Variants in ZDHHC11B observed in about 807,000 individuals in gnomAD.
ZDHHC11B encodes the protein probable palmitoyltransferase ZDHHC11B.
A neutral mutation model predicts 42.3 loss-of-function variants in ZDHHC11B; 17 were observed. The ratio of observed to expected loss-of-function variants is 0.40; its 90% CI spans 0.27 to 0.60. The LOEUF is 0.60. ZDHHC11B is among the 20% of genes least tolerant of loss of function. ZDHHC11B has a pLI of 0.41. For missense variants in ZDHHC11B, 262 were observed against 463.2 expected, an observed-to-expected ratio of 0.57 and a Z score of 3.99; for synonymous variants, 123 against 193.5, an observed-to-expected ratio of 0.64 and a Z score of 3.02.
At chr5:720,313 A>T (rs1368809182) in intron 12 of ZDHHC11B, among the ~76,000 whole-genome samples, 2 of 151,802 alleles carry the variant, frequency 1.3e-5, no homozygotes, top group African/African-American at 4.9e-5. Flanking sequence ...CCTTAATAAA[A>T]TTATCAGGTG....
At position 719,483 on chromosome 5, in the gene ZDHHC11B, T is replaced by C. The variant is rs190976542; in HGVS notation, c.1059-2618A>G. ...TAGTAGTAGAGATAGAAATTATATATTTTTTAAAAACCAAAAAGAAACTGG... is the reference window on the plus strand; with the variant it reads ...TAGTAGTAGAGATAGAAATTATATACTTTTTAAAAACCAAAAAGAAACTGG... On this transcript the variant is annotated intron_variant, in intron 12 of 13. Transcript: ENST00000508859. Among the ~76,000 whole-genome samples the C allele has an allele frequency of 6.7e-3, 1,018 of 150,908 alleles. 1 individual carries two copies. The highest frequency in any genetic ancestry group is 0.017 in the Middle Eastern group (5 of 290).
chr5:719,143 C>G (rs1378355985), intron 12 of ZDHHC11B, among the ~76,000 whole-genome samples: 2 of 151,820 alleles, frequency 1.3e-5, no homozygotes, highest in African/African-American at 2.4e-5. Context: ...GGAAAGGGCA[C>G]AAACTGATGG....
intron 4 of ZDHHC11B, among the ~76,000 whole-genome samples, chr5:760,670 G>A (rs1274610140): frequency 6.6e-6 from 1 of 151,864 alleles, no homozygotes; most frequent in East Asian, 1.9e-4. Context: ...AGCATGCACT[G>A]GGCCCTGCGG....
intron 3 of ZDHHC11B, 160 bp downstream of exon 3, chr5:767,232 C>T: frequency 3.2e-6 from 3 of 949,506 alleles, no homozygotes; most frequent in East Asian, 2.5e-5. Context: ...TGTGGCAGAC[C>T]TGGGTGGATG....
At chr5:774,444 G>T (rs1736298839) in intron 1 of ZDHHC11B, among the ~76,000 whole-genome samples, 1 of 151,842 alleles carries the variant, frequency 6.6e-6, no homozygotes, top group Non-Finnish European at 1.5e-5. Context: ...GTTCTCACTA[G>T]GACCAGGGGC....
intron 1 of ZDHHC11B, among the ~76,000 whole-genome samples, chr5:784,203 G>A (rs1334861051): frequency 2.0e-5 from 3 of 151,358 alleles, no homozygotes; most frequent in Non-Finnish European, 4.4e-5. Context: ...CTCAAAACGT[G>A]CTGCGGGCAG....
chr5:725,075 G>T (rs1742476706), intron 12 of ZDHHC11B, among the ~76,000 whole-genome samples: 1 of 151,204 alleles, frequency 6.6e-6, no homozygotes, highest in African/African-American at 2.4e-5. Context: ...GTGTCATAAA[G>T]CGGAGCCTTT....
At chr5:757,652 G>C (rs1734044519) in intron 4 of ZDHHC11B, among the ~76,000 whole-genome samples, 1 of 151,972 alleles carries the variant, frequency 6.6e-6, no homozygotes, top group Non-Finnish European at 1.5e-5. Flanking sequence ...CCCTCAGCAG[G>C]ATGCACCGCA....
intron 12 of ZDHHC11B, among the ~76,000 whole-genome samples, chr5:728,732 T>C (rs570792917): frequency 6.6e-6 from 1 of 152,060 alleles, no homozygotes; most frequent in Non-Finnish European, 1.5e-5. Flanking sequence ...ATCTAAATGT[T>C]GCTCCATGGC....
chr5:764,462 G>A lies in ZDHHC11B; in HGVS notation c.222+2236C>T, dbSNP rs184110242. 9.4e-3 allele frequency among the ~76,000 whole-genome samples: 1,428 copies of A among 151,810 alleles called. 52 individuals are homozygous for A. The highest frequency in any genetic ancestry group is 0.032 in the African/African-American group (1,316 of 41,246). ...AGCGGGCCCTGCACTCAGAGCAGCC[G>A]GCCGGCACTGCCGGCCCCGGGCAGT... On this transcript the variant is annotated intron_variant, in intron 4 of 13. Transcript: ENST00000508859.
intron 12 of ZDHHC11B, among the ~76,000 whole-genome samples, chr5:729,547 C>CGT: frequency 1.1e-5 from 1 of 93,438 alleles, no homozygotes; most frequent in South Asian, 2.7e-4. Context: ...TGACTGTGTG[C>CGT]GAGTGTGTGT....
intron 12 of ZDHHC11B, among the ~76,000 whole-genome samples, chr5:720,616 C>G (rs535839759): frequency 1.3e-5 from 2 of 151,940 alleles, no homozygotes; most frequent in Admixed American, 1.3e-4. Context: ...AAATAAAGAA[C>G]ACAGGTAAAT....
At chr5:783,363 C>T (rs1736997519) in intron 1 of ZDHHC11B, among the ~76,000 whole-genome samples, 1 of 152,278 alleles carries the variant, frequency 6.6e-6, no homozygotes, top group Non-Finnish European at 1.5e-5. Flanking sequence ...CTTCCTGCCC[C>T]TTCCCGGCCT....
At chr5:737,570 G>A (rs1450161078) in intron 10 of ZDHHC11B, among the ~76,000 whole-genome samples, 2 of 149,320 alleles carry the variant, frequency 1.3e-5, no homozygotes, top group African/African-American at 2.5e-5. Context: ...CTAGCGAACC[G>A]AATCAAACAG....
At chr5:759,372 C>T (rs199906290) in intron 4 of ZDHHC11B, among the ~76,000 whole-genome samples, 59 of 151,894 alleles carry the variant, frequency 3.9e-4, no homozygotes, top group Admixed American at 7.2e-4. Context: ...GGTGCGGTCA[C>T]GTCTTGTCGT....
rs1319997256 is a variant in ZDHHC11B, at chr5:784,723, C to G, written c.-285G>C. 6.7e-6 allele frequency among the ~76,000 whole-genome samples: 1 copy of G among 149,796 alleles called. No individual in the cohort carries two copies. Among genetic ancestry groups the G allele is most frequent in the Non-Finnish European group, 1.5e-5 (1 of 67,082 alleles). On this transcript the variant is annotated 5_prime_UTR_variant, in exon 1 of 14. Coordinates refer to ENST00000508859, the MANE Select transcript of ZDHHC11B (RefSeq NM_001351303.2). ...CCCCCGCGACCCGGCCGCGCGCGAC[C>G]AAGTGCTCAGCGCAGCGCTCCCCCT...
chr5:760,136 C>T (rs1435779796), intron 4 of ZDHHC11B, among the ~76,000 whole-genome samples: 6 of 151,742 alleles, frequency 4.0e-5, no homozygotes, highest in South Asian at 2.1e-4. Flanking sequence ...CACGCGTGGC[C>T]GAGCCACGGG....
chr5:744,244 T>C lies in ZDHHC11B; in HGVS notation c.900+939A>G, dbSNP rs149909245. On this transcript the variant is annotated intron_variant, in intron 9 of 13. Transcript: ENST00000508859. ...TGGTTTCCCAAGGTCTTATCAGTGA[T>C]CTTTGCCTGTGTTTCCTGAATGTAT... is the stretch of plus-strand genomic sequence containing the variant. 2.5e-4 allele frequency among the ~76,000 whole-genome samples: 38 copies of C among 150,038 alleles called. 2 individuals carry two copies. The East Asian group carries it at 5.7e-3, about 23-fold the overall frequency.
chr5:742,837 A>G (rs1378051364), intron 9 of ZDHHC11B, among the ~76,000 whole-genome samples: 2 of 149,012 alleles, frequency 1.3e-5, no homozygotes, highest in Non-Finnish European at 3.0e-5. Context: ...CAATTTTGGT[A>G]AAGTCCAAAC....
Sources: allele counts gnomAD v4.1 joint callset (sites outside exome capture counted in the v4.1 genomes callset), GRCh38; gene constraint gnomAD v4.1.1; transcripts MANE v1.5; gene names NCBI Gene and HGNC (gene_info 2026-07-23, HGNC 2026-07-21).